NBAS: variants seen among roughly 807,000 people sequenced by gnomAD.
NBAS encodes the protein NBAS subunit of NRZ tethering complex.
Under a neutral mutation model 302.5 loss-of-function variants are expected in NBAS, and 219 were observed. The ratio of observed to expected loss-of-function variants is 0.72; its 90% CI spans 0.65 to 0.81. The LOEUF is 0.81. NBAS is among the 30% of genes least tolerant of loss of function. The pLI, the probability that NBAS is intolerant of heterozygous loss-of-function variation, is 0.00. For synonymous variants in NBAS, 1,118 were observed against 1,021.6 expected, an observed-to-expected ratio of 1.09 and a Z score of -1.80; for missense variants, 2,932 against 2,841.6, an observed-to-expected ratio of 1.03 and a Z score of -0.72.
At chr2:15,004,202 C>T in the NBAS span, among the ~76,000 whole-genome samples, 6 of 152,292 alleles carry the variant, frequency 3.9e-5, no homozygotes, top group South Asian at 1.0e-3. Context: ...TCATTTAGCA[C>T]AGCGTCAGTG....
At chr2:15,075,448 C>A in the NBAS span, among the ~76,000 whole-genome samples, 1 of 152,164 alleles carries the variant, frequency 6.6e-6, no homozygotes, top group Non-Finnish European at 1.5e-5. Flanking sequence ...TTCACTGGCT[C>A]CCTCACTGCA....
chr2:15,108,013 A>G, the NBAS span, among the ~76,000 whole-genome samples: 2 of 152,270 alleles, frequency 1.3e-5, no homozygotes, highest in African/African-American at 2.4e-5. Flanking sequence ...TCATGTATCA[A>G]TAGTTCATTC....
intron 41 of NBAS, among the ~76,000 whole-genome samples, chr2:15,291,838 C>G (rs1348221547): frequency 6.6e-6 from 1 of 152,002 alleles, no homozygotes; most frequent in East Asian, 1.9e-4. Context: ...AAATTTCCAT[C>G]CTGAGCTTCC....
the NBAS span, among the ~76,000 whole-genome samples, chr2:15,081,668 C>T: frequency 6.6e-6 from 1 of 152,340 alleles, no homozygotes; most frequent in Non-Finnish European, 1.5e-5. Context: ...AGGAACCTCT[C>T]CCTCTTCCCT....
rs561475598 is a variant in NBAS, at chr2:15,271,121, AT to A, written c.5724+4362del. Among the ~76,000 whole-genome samples, 23 of 152,276 alleles carry A rather than the reference AT, an allele frequency of 1.5e-4. No individual in the cohort carries two copies. The East Asian group carries it at 4.4e-3, about 29-fold the overall frequency. On this transcript the variant is annotated intron_variant, in intron 44 of 51. Transcript: ENST00000281513. The stretch of plus-strand genomic sequence containing the variant: ...TTTTAAGATTAATTTATTCTACCAG[AT>A]TTTTATGCCAACAGGCTGAATAATA...
intron 50 of NBAS, among the ~76,000 whole-genome samples, chr2:15,183,875 C>G (rs1248533492): frequency 1.3e-5 from 2 of 152,170 alleles, no homozygotes; most frequent in Admixed American, 6.5e-5. Flanking sequence ...TTAAAAAACA[C>G]TTAGCAATCA....
the NBAS span, among the ~76,000 whole-genome samples, chr2:15,095,147 G>T: frequency 6.6e-6 from 1 of 152,094 alleles, no homozygotes; most frequent in African/African-American, 2.4e-5. Flanking sequence ...ATTAAAGAAC[G>T]GCCATTGCAT....
intron 11 of NBAS, among the ~76,000 whole-genome samples, chr2:15,495,223 T>TG (rs1002915256): frequency 2.6e-5 from 4 of 152,230 alleles, no homozygotes; most frequent in Non-Finnish European, 5.9e-5. Context: ...TGCACCCACT[T>TG]GTACAGGGGA....
At chr2:15,279,476 C>T (rs1669732917) in intron 42 of NBAS, among the ~76,000 whole-genome samples, 1 of 152,168 alleles carries the variant, frequency 6.6e-6, no homozygotes, top group Non-Finnish European at 1.5e-5. Flanking sequence ...AAAGAGTTCT[C>T]CTGTCATACT....
chr2:15,545,300 C>A (rs982775965), intron 6 of NBAS, among the ~76,000 whole-genome samples: 12 of 151,992 alleles, frequency 7.9e-5, no homozygotes, highest in African/African-American at 1.4e-4. Flanking sequence ...CAAATTAAAT[C>A]CTGTATGCAG....
chr2:15,518,985 C>T (rs972902653), intron 9 of NBAS, among the ~76,000 whole-genome samples: 29 of 152,164 alleles, frequency 1.9e-4, no homozygotes, highest in African/African-American at 6.0e-4. Flanking sequence ...GTGGAAATTA[C>T]GGGAGCTACA....
rs1284025379 is a variant in NBAS, at chr2:15,542,577, T to C, written c.380-3221A>G. On this transcript the variant is annotated intron_variant, in intron 6 of 51. Coordinates refer to ENST00000281513, the MANE Select transcript of NBAS (RefSeq NM_015909.4). ...TGACCTTCCCTCCACTATTGTCCTG[T>C]GACCCTGCCAAATCCCCCTCTGCGA... Among the ~76,000 whole-genome samples, 4 of 148,516 alleles carry C rather than the reference T, an allele frequency of 2.7e-5. No individual in the cohort carries two copies. In the East Asian group the frequency reaches 7.8e-4, roughly 29 times the overall value.
At chr2:15,553,121 AG>A (rs1019258554) in intron 5 of NBAS, among the ~76,000 whole-genome samples, 2 of 152,196 alleles carry the variant, frequency 1.3e-5, no homozygotes, top group African/African-American at 4.8e-5. Context: ...TAGCTAATAT[AG>A]CAGTAAATAG....
At chr2:15,274,770 A>G (rs907817463) in intron 44 of NBAS, among the ~76,000 whole-genome samples, 1 of 151,634 alleles carries the variant, frequency 6.6e-6, no homozygotes, top group Non-Finnish European at 1.5e-5. Context: ...TTATTTTTTT[A>G]TGTTATTATT....
chr2:14,785,272 C>T, the NBAS span, among the ~76,000 whole-genome samples: 2 of 152,134 alleles, frequency 1.3e-5, no homozygotes, highest in Non-Finnish European at 2.9e-5. Flanking sequence ...CAAACAGGCA[C>T]AATTTGACTT....
Position 15,481,274 on chromosome 2 carries a change from T to C in NBAS, c.1084-2985A>G, listed in dbSNP as rs75357129. On this transcript the variant is annotated intron_variant, in intron 12 of 51. Coordinates refer to ENST00000281513, the MANE Select transcript of NBAS (RefSeq NM_015909.4). ...TCCACCTTTTAGCTGTTGTAAACAC[T>C]GCTGCTATGAATATGTAGGTGCATG... Among the ~76,000 whole-genome samples the C allele has an allele frequency of 7.6e-3, 1,161 of 152,336 alleles. 19 individuals carry two copies. The highest frequency in any genetic ancestry group is 0.059 in the East Asian group (305 of 5,184).
At chr2:15,343,812 T>C (rs1275024754) in intron 35 of NBAS, among the ~76,000 whole-genome samples, 1 of 151,958 alleles carries the variant, frequency 6.6e-6, no homozygotes, top group Non-Finnish European at 1.5e-5. Flanking sequence ...ACAGATTTCT[T>C]AGATATAACA....
intron 19 of NBAS, among the ~76,000 whole-genome samples, chr2:15,464,965 T>A (rs1343964731): frequency 6.6e-6 from 1 of 152,224 alleles, no homozygotes. Flanking sequence ...GAGACCTGAT[T>A]ATGAGCCCTT....
chr2:15,102,840 G>T, the NBAS span, among the ~76,000 whole-genome samples: 1 of 152,156 alleles, frequency 6.6e-6, no homozygotes, highest in Non-Finnish European at 1.5e-5. Context: ...GAGAGCAAAA[G>T]AATAATGCAG....
Sources: gnomAD v4.1 joint callset for allele counts (sites outside exome capture counted in the v4.1 genomes callset) on GRCh38, gnomAD v4.1.1 for gene constraint, MANE v1.5 for transcripts, NCBI Gene and HGNC (gene_info 2026-07-23, HGNC 2026-07-21) for gene names.